The following RFX2 variants were observed in gnomAD, a reference collection of about 807,000 sequenced individuals.
RFX2 encodes the protein regulatory factor X2, also known as DNA-binding protein RFX2.
Under a neutral mutation model 87.8 loss-of-function variants are expected in RFX2, and 20 were observed. The ratio of observed to expected loss-of-function variants is 0.23; its 90% CI spans 0.16 to 0.33. The LOEUF (loss-of-function observed/expected upper bound fraction) is 0.33, where lower values mean the gene tolerates loss of function less well. Ranked by LOEUF, RFX2 falls within the 10% of genes least tolerant of loss-of-function variation. The pLI is 1.00. For synonymous variants in RFX2, 397 were observed against 431.3 expected, an observed-to-expected ratio of 0.92 and a Z score of 0.98; for missense variants, 767 against 1,012.3, an observed-to-expected ratio of 0.76 and a Z score of 3.29.
intron 1 of RFX2, among the ~76,000 whole-genome samples, chr19:6,058,524 T>G (rs1359574985): frequency 6.6e-6 from 1 of 151,552 alleles, no homozygotes; most frequent in African/African-American, 2.4e-5. Flanking sequence ...GCAGCAGGCT[T>G]CAATGCACAC....
In RFX2 at chr19:5,999,927, G is replaced by A. The variant is rs1451322633; in HGVS notation, c.1859+1888C>T. Among the ~76,000 whole-genome samples the A allele has an allele frequency of 6.6e-6, 1 of 152,098 alleles. No individual in the cohort carries two copies. Among genetic ancestry groups the A allele is most frequent in the African/African-American group, 2.4e-5 (1 of 41,416 alleles). ...GCGTGGCCAGGGGAGTGTGTAAGGA[G>A]ACAGCTGAGAACAGGGGTGCTGGCT... On this transcript the variant is annotated intron_variant, in intron 15 of 17. Transcript: ENST00000303657. The surrounding 1 kb of genome is among the most constrained non-coding windows in gnomAD (Gnocchi z 4.1).
In RFX2 at chr19:6,019,820, C is replaced by T. The variant is rs76227659; in HGVS notation, c.598-3549G>A. 4.4e-3 allele frequency: 674 copies of T among 152,274 alleles called. 7 individuals are homozygous for T. In the East Asian group the frequency reaches 0.071, roughly 16 times the overall value. 9.4% of individuals were successfully genotyped at this position (152,274 alleles called of 1,614,324 possible). Reference sequence around the variant, plus strand: ...TTGTCATGTGTGCTGATTGATTTATCGCCTGTTCCCCGCAGACTATGCTCT... The same window carrying T: ...TTGTCATGTGTGCTGATTGATTTATTGCCTGTTCCCCGCAGACTATGCTCT... On this transcript the variant is annotated intron_variant, in intron 6 of 17. Coordinates refer to ENST00000303657, the MANE Select transcript of RFX2 (RefSeq NM_000635.4).
chr19:6,100,257 G>T (rs979177642), intron 1 of RFX2, among the ~76,000 whole-genome samples: 5 of 152,086 alleles, frequency 3.3e-5, no homozygotes, highest in African/African-American at 1.2e-4. Context: ...CTGGACTGAA[G>T]GAAGCCTTGA....
chr19:6,094,113 C>T (rs1366600038), intron 1 of RFX2, among the ~76,000 whole-genome samples: 1 of 152,156 alleles, frequency 6.6e-6, no homozygotes, highest in African/African-American at 2.4e-5. Flanking sequence ...ATGCAAAAAA[C>T]ACTAAAGAAT....
Position 5,993,765 on chromosome 19 carries a change from C to A in RFX2, c.*1070G>T, listed in dbSNP as rs1294226671. 1 of 151,460 alleles carries A rather than the reference C, an allele frequency of 6.6e-6. No individual in the cohort carries two copies. Among genetic ancestry groups the A allele is most frequent in the South Asian group, 2.1e-4 (1 of 4,806 alleles). The allele number at this position is 151,460 out of a possible 1,614,324, so 9.4% of individuals were successfully genotyped here. A position where few individuals can be genotyped will look rare whatever the true frequency, so the allele number is the denominator to read the frequency against. Reference sequence around the variant, plus strand: ...TCTCAAGTTCAGGGCTTCGAAAGTCCCGAATATTTGTTTGTCCCGAGAGAA... The same window carrying A: ...TCTCAAGTTCAGGGCTTCGAAAGTCACGAATATTTGTTTGTCCCGAGAGAA... On this transcript the variant is annotated 3_prime_UTR_variant, in exon 18 of 18. Transcript: ENST00000303657.
At chr19:6,000,046 A>G (rs1421275330) in intron 15 of RFX2, among the ~76,000 whole-genome samples, 1 of 150,642 alleles carries the variant, frequency 6.6e-6, no homozygotes, top group African/African-American at 2.4e-5. Context: ...GTGAAATAGC[A>G]CGGTCTTGGC....
At position 6,027,569 on chromosome 19, in the gene RFX2, C is replaced by T. The variant is rs191184992; in HGVS notation, c.523-1332G>A. ...TGGGACATCGCTCACCTATGGGTGC[C>T]GGGAGAGCAGAGTGCATGACCTCTG... On this transcript the variant is annotated intron_variant, in intron 5 of 17. Transcript: ENST00000303657. The surrounding 1 kb of genome is among the most constrained non-coding windows in gnomAD (Gnocchi z 5.0). Among the ~76,000 whole-genome samples the T allele has an allele frequency of 4.5e-4, 68 of 152,278 alleles. No individual in the cohort carries two copies. Among genetic ancestry groups the T allele is most frequent in the African/African-American group, 1.4e-3 (60 of 41,548 alleles).
chr19:6,107,830 TAAAC>T (rs1891305251), intron 1 of RFX2, among the ~76,000 whole-genome samples: 1 of 152,254 alleles, frequency 6.6e-6, no homozygotes, highest in African/African-American at 2.4e-5. Flanking sequence ...ACTTCAATGA[TAAAC>T]AATGTTAAAA....
At chr19:6,079,840 T>G (rs534504719) in intron 1 of RFX2, among the ~76,000 whole-genome samples, 13 of 147,678 alleles carry the variant, frequency 8.8e-5, no homozygotes, top group African/African-American at 3.0e-4. Context: ...GAGCTGAGAT[T>G]GCACCATTGC....
intron 1 of RFX2, among the ~76,000 whole-genome samples, chr19:6,048,409 T>A (rs2087225194): frequency 6.6e-6 from 1 of 152,218 alleles, no homozygotes; most frequent in Non-Finnish European, 1.5e-5. Flanking sequence ...ATGCTAAAAG[T>A]CGAACAGTCT....
rs2086641353 is a variant in RFX2, at chr19:6,010,139, T to C, written c.1012A>G (p.Ile338Val). The change falls in exon 9 of 18, where the codon ATA becomes GTA. Residue 338 changes from isoleucine (I) to valine (V), a missense_variant. This residue lies in a region of RFX2 where 621 missense variants were observed against 873.0 expected (regional missense o/e 0.71). Coordinates refer to ENST00000303657, the MANE Select transcript of RFX2 (RefSeq NM_000635.4). This position sits in a 1 kb window ranked among gnomAD's most constrained non-coding sequence, Gnocchi z 5.0. ...AVQSQHHQQY[I>V]DVSHVFPEFP... ...CGGGCCTGACCGGGCCTCTCACCTA[T>C]GTACTGCTGGTGGTGCTGGCTCTGC... 16 of 1,545,732 alleles carry C rather than the reference T, an allele frequency of 1.0e-5. No homozygotes were observed. The highest frequency in any genetic ancestry group is 1.4e-5 in the African/African-American group (1 of 72,946).
At chr19:6,075,089 G>T (rs2087671192) in intron 1 of RFX2, among the ~76,000 whole-genome samples, 1 of 152,174 alleles carries the variant, frequency 6.6e-6, no homozygotes, top group Non-Finnish European at 1.5e-5. Context: ...CTGCATCCCA[G>T]AGGGAAGCCC....
In RFX2 at chr19:6,083,837, T is replaced by C. The variant is rs949431966; in HGVS notation, c.-9+26556A>G. Among the ~76,000 whole-genome samples, 3 of 152,294 alleles carry C rather than the reference T, an allele frequency of 2.0e-5. No individual in the cohort carries two copies. The highest frequency in any genetic ancestry group is 3.9e-4 in the East Asian group (2 of 5,188). On this transcript the variant is annotated intron_variant, in intron 1 of 17. Transcript: ENST00000303657. The surrounding 1 kb of genome is among the most constrained non-coding windows in gnomAD (Gnocchi z 4.6). Reference sequence around the variant, plus strand: ...GGGGAACATGTCTTACTCATAATTATAGGCAGCGGAAAATGCCTGCTAGCG... The same window carrying C: ...GGGGAACATGTCTTACTCATAATTACAGGCAGCGGAAAATGCCTGCTAGCG...
intron 1 of RFX2, among the ~76,000 whole-genome samples, chr19:6,089,741 T>C (rs2087907268): frequency 6.6e-6 from 1 of 152,180 alleles, no homozygotes; most frequent in South Asian, 2.1e-4. Flanking sequence ...ATTCCTGTTG[T>C]TTAGAAGCCA....
In RFX2 at chr19:6,013,051, C is replaced by T; in HGVS notation, c.834G>A (p.Leu278=). Residue 278 remains leucine (L), a synonymous_variant, in exon 8 of 18, where the codon CTG becomes CTA. Coordinates refer to ENST00000303657, the MANE Select transcript of RFX2 (RefSeq NM_000635.4). The surrounding 1 kb of genome is among the most constrained non-coding windows in gnomAD (Gnocchi z 4.1). ...YGIRLKPDSP[L]NRLQEDTQYM... is the part of the protein sequence containing the mutation. ...ACTGCGTGTCCTCCTGCAGCCGGTT[C>T]AGTGGTGAGTCCGGCTTCAGACGAA... 1 of 1,601,484 alleles carries T rather than the reference C, an allele frequency of 6.2e-7. No homozygotes were observed. Among genetic ancestry groups the T allele is most frequent in the Non-Finnish European group, 8.5e-7 (1 of 1,174,450 alleles).
In RFX2 at chr19:6,020,362, C is replaced by G. The variant is rs927187183; in HGVS notation, c.598-4091G>C. ...CTAAAAGGATGCATAGTTGTCTTGA[C>G]AGCAAGTCCTTCTTGCTCAACATCA... On this transcript the variant is annotated intron_variant, in intron 6 of 17. Coordinates refer to ENST00000303657, the MANE Select transcript of RFX2 (RefSeq NM_000635.4). The surrounding 1 kb of genome is among the most constrained non-coding windows in gnomAD (Gnocchi z 5.3). The G allele has an allele frequency of 2.4e-4, 36 of 152,256 alleles. No homozygotes were observed. Among genetic ancestry groups the G allele is most frequent in the African/African-American group, 7.7e-4 (32 of 41,458 alleles). The allele number at this position is 152,256 out of a possible 1,614,324, so 9.4% of individuals were successfully genotyped here.
intron 1 of RFX2, among the ~76,000 whole-genome samples, chr19:6,066,714 G>C (rs2144821148): frequency 6.6e-6 from 1 of 152,302 alleles, no homozygotes; most frequent in Admixed American, 6.5e-5. Context: ...AATTTAATCA[G>C]AGAAAAATAT....
chr19:6,020,707 T>C lies in RFX2; in HGVS notation c.598-4436A>G, dbSNP rs2086799877. On this transcript the variant is annotated intron_variant, in intron 6 of 17. Coordinates refer to ENST00000303657, the MANE Select transcript of RFX2 (RefSeq NM_000635.4). The surrounding 1 kb of genome is among the most constrained non-coding windows in gnomAD (Gnocchi z 5.3). Reference sequence around the variant, plus strand: ...CCTGCTCTTGAGGGCTCGGGTACCTTCATGCCAGGAAAGGCAGCAGCTGGA... The same window carrying C: ...CCTGCTCTTGAGGGCTCGGGTACCTCCATGCCAGGAAAGGCAGCAGCTGGA... Among the ~76,000 whole-genome samples, 1 of 152,232 alleles carries C rather than the reference T, an allele frequency of 6.6e-6. No individual in the cohort carries two copies. The highest frequency in any genetic ancestry group is 2.1e-4 in the South Asian group (1 of 4,832).
chr19:6,110,338 C>G lies in RFX2; in HGVS notation c.-9+55G>C, dbSNP rs2088286653. On this transcript the variant is annotated intron_variant, in intron 1 of 17. Coordinates refer to ENST00000303657, the MANE Select transcript of RFX2 (RefSeq NM_000635.4). This position sits in a 1 kb window ranked among gnomAD's most constrained non-coding sequence, Gnocchi z 4.3. ...CCCCCCGGCCCCCGAACGGGGTCCC[C>G]GCCGCCCCCCACACTCCCCGGCCGG... The G allele has an allele frequency of 6.6e-6, 1 of 151,526 alleles. No individual in the cohort carries two copies. Among genetic ancestry groups the G allele is most frequent in the Admixed American group, 6.6e-5 (1 of 15,232 alleles). The allele number at this position is 151,526 out of a possible 1,614,324, so 9.4% of individuals were successfully genotyped here. A position where few individuals can be genotyped will look rare whatever the true frequency, so the allele number is the denominator to read the frequency against.
Sources: gnomAD v4.1 joint callset for allele counts (sites outside exome capture counted in the v4.1 genomes callset) on GRCh38, gnomAD v4.1.1 for gene constraint, gnomAD v4.1.1 regional missense constraint, Gnocchi (gnomAD v3.1) non-coding constraint, MANE v1.5 for transcripts, NCBI Gene and HGNC (gene_info 2026-07-23, HGNC 2026-07-21) for gene names.